TMBIM1: variants seen among roughly 807,000 people sequenced by gnomAD.
The protein encoded by TMBIM1 is protein lifeguard 3.
A neutral mutation model predicts 45.1 loss-of-function variants in TMBIM1; 34 were observed. The ratio of observed to expected loss-of-function variants is 0.75; its 90% confidence interval spans 0.57 to 1.00. The LOEUF (loss-of-function observed/expected upper bound fraction) is 1.00, where lower values mean the gene tolerates loss of function less well. TMBIM1 is among the 50% of genes least tolerant of loss of function. TMBIM1 has a pLI of 0.00. For missense variants in TMBIM1, 374 were observed against 402.4 expected (o/e 0.93, Z 0.60); for synonymous variants, 157 against 153.5 (o/e 1.02, Z -0.17).
At chr2:218,289,499 G>A (rs1006171082) in intron 1 of TMBIM1, among the ~76,000 whole-genome samples, 5 of 151,688 alleles carry the variant, frequency 3.3e-5, no homozygotes, top group South Asian at 2.1e-4. Context: ...AAAATTAGCC[G>A]GGCATGGTGG....
rs745434057 is a variant in TMBIM1 at position 218,282,077 on chromosome 2, G to A, written c.65C>T (p.Pro22Leu). Reference sequence around the variant, plus strand: ...AGATGGCTGCCCATAGCCCCCAGGGGGCGGAGGGCCTGGGTACAGGGGGTT... The same window carrying A: ...AGATGGCTGCCCATAGCCCCCAGGGAGCGGAGGGCCTGGGTACAGGGGGTT... ...DRNPLYPGPP[P>L]PGGYGQPSVL... Residue 22 changes from proline (P) to leucine (L), a missense_variant, in exon 2 of 12, where the codon CCC (proline) becomes CTC (leucine). By Grantham distance (98) the Pro-to-Leu change is moderately conservative (BLOSUM62 -3). Transcript: ENST00000258412. 23 of 1,595,566 alleles carry A rather than the reference G, an allele frequency of 1.4e-5. No individual in the cohort carries two copies. The East Asian group carries it at 4.7e-4, about 33-fold the overall frequency.
chr2:218,281,850 T>G (rs1692034390), intron 2 of TMBIM1, 90 bp downstream of exon 2: 1 of 1,011,684 alleles, frequency 9.9e-7, no homozygotes, highest in Admixed American at 2.3e-5. Context: ...TAAGGGAAAC[T>G]AGAAGAGAAA....
chr2:218,275,993 A>G (rs1691164877), intron 11 of TMBIM1, 33 bp downstream of exon 11: 1 of 1,601,084 alleles, frequency 6.2e-7, no homozygotes, highest in South Asian at 1.1e-5. Flanking sequence ...TCATCCCCTC[A>G]GCTCCCCTTC....
Position 218,274,500 on chromosome 2 carries a change from A to C in TMBIM1, c.*975T>G, listed in dbSNP as rs547044317. The C allele has an allele frequency of 6.5e-6, 1 of 154,274 alleles. No individual in the cohort carries two copies. The highest frequency in any genetic ancestry group is 6.5e-5 in the Admixed American group (1 of 15,302). The allele number at this position is 154,274 out of a possible 1,614,324, so 9.6% of individuals were successfully genotyped here. ...GACCCTCCCTGGGTTAGCAGAAGGAAAGAACCCAGAAGTCTTCAGTACCAC... is the reference window on the plus strand; with the variant it reads ...GACCCTCCCTGGGTTAGCAGAAGGACAGAACCCAGAAGTCTTCAGTACCAC... On this transcript the variant is annotated 3_prime_UTR_variant, in exon 12 of 12. Transcript: ENST00000258412.
At chr2:218,278,191 G>A in intron 6 of TMBIM1, 1 of 617,694 alleles carries the variant, frequency 1.6e-6, no homozygotes, top group South Asian at 2.0e-5. Flanking sequence ...AGAAACACCT[G>A]GATTGGTTTG....
chr2:218,275,967 C>T (rs1003172831), intron 11 of TMBIM1, 59 bp downstream of exon 11: 1 of 1,564,782 alleles, frequency 6.4e-7, no homozygotes, highest in Non-Finnish European at 8.7e-7. Flanking sequence ...ATGCCCCCTT[C>T]CCTAGATTCC....
intron 1 of TMBIM1, among the ~76,000 whole-genome samples, chr2:218,291,661 C>T (rs1176921215): frequency 2.0e-5 from 3 of 152,108 alleles, no homozygotes; most frequent in Non-Finnish European, 4.4e-5. Context: ...AGGGCCTGGC[C>T]TCCCAGCAGC....
intron 10 of TMBIM1, among the ~76,000 whole-genome samples, chr2:218,276,459 C>G (rs1427472624): frequency 1.3e-5 from 2 of 152,160 alleles, no homozygotes; most frequent in African/African-American, 2.4e-5. Flanking sequence ...CCCCCCAACC[C>G]CTCTGGTGAG....
intron 11 of TMBIM1, 124 bp downstream of exon 11, chr2:218,275,902 T>C: frequency 1.7e-6 from 2 of 1,184,868 alleles, no homozygotes; most frequent in Non-Finnish European, 2.4e-6. Context: ...TGGACAGTAG[T>C]GAGAGGAATG....
rs564765821 is a variant in TMBIM1, at chr2:218,280,344, C to T, written c.203-218G>A. ...TTAGGTGGGAAACGTTCCTCACGTG[C>T]ATCTGTGGAGGGCTCCTGTGTGCCC... On this transcript the variant is annotated intron_variant, in intron 2 of 11. Coordinates refer to ENST00000258412, the MANE Select transcript of TMBIM1 (RefSeq NM_022152.6). 1.8e-4 allele frequency: 90 copies of T among 502,344 alleles called. 1 individual carries two copies. The highest frequency in any genetic ancestry group is 1.6e-3 in the South Asian group (76 of 48,808). The allele number at this position is 502,344 out of a possible 1,614,324, so 31.1% of individuals were successfully genotyped here.
intron 1 of TMBIM1, among the ~76,000 whole-genome samples, chr2:218,282,979 C>T (rs771750790): frequency 1.3e-5 from 2 of 152,194 alleles, no homozygotes; most frequent in South Asian, 2.1e-4. Context: ...AGTGAGTGCA[C>T]GGCCCCTCGC....
intron 10 of TMBIM1, among the ~76,000 whole-genome samples, chr2:218,276,664 T>C (rs1005750022): frequency 3.9e-5 from 6 of 152,160 alleles, no homozygotes; most frequent in Non-Finnish European, 8.8e-5. Flanking sequence ...CCCTTCCACC[T>C]AGGCCCATCA....
chr2:218,279,422 C>T, intron 3 of TMBIM1, 69 bp from the exon 4 acceptor site: 3 of 1,426,304 alleles, frequency 2.1e-6, no homozygotes, highest in South Asian at 2.8e-5. Context: ...GCTGCCAGCC[C>T]CCAGTACTTT....
chr2:218,286,340 C>T (rs1209281496), intron 1 of TMBIM1: 1 of 151,976 alleles, frequency 6.6e-6, no homozygotes, highest in African/African-American at 2.4e-5. Context: ...TCTGGCCCAC[C>T]TTCTGCTTGA....
Position 218,277,823 on chromosome 2 carries a change from T to A in TMBIM1, c.513+112A>T, listed in dbSNP as rs185887706. 4.8e-5 allele frequency: 74 copies of A among 1,554,972 alleles called. No homozygotes were observed. In the African/African-American group the frequency reaches 7.5e-4, roughly 16 times the overall value. On this transcript the variant is annotated intron_variant, in intron 7 of 11. Transcript: ENST00000258412. ...AGGAGATCAGAACAGGCGGCCCAGA[T>A]AAGGTGGAGGAGACAGCCAGGACAT...
At chr2:218,279,134 T>C in intron 4 of TMBIM1, 43 bp from the exon 5 acceptor site, 2 of 1,612,638 alleles carry the variant, frequency 1.2e-6, no homozygotes, top group Non-Finnish European at 1.7e-6. Flanking sequence ...CTGAGGCTTG[T>C]CTGCCCCACC....
intron 6 of TMBIM1, 83 bp from the exon 7 acceptor site, chr2:218,278,057 C>T: frequency 6.7e-7 from 1 of 1,489,324 alleles, no homozygotes; most frequent in Non-Finnish European, 9.3e-7. Context: ...AAGCGCTTGG[C>T]TCCTGTGCCT....
chr2:218,289,638 A>AAAC (rs1168685599), intron 1 of TMBIM1, among the ~76,000 whole-genome samples: 1 of 151,012 alleles, frequency 6.6e-6, no homozygotes, highest in Non-Finnish European at 1.5e-5. Context: ...AAAAAAAAAA[A>AAAC]AAAAAAAACT....
intron 1 of TMBIM1, among the ~76,000 whole-genome samples, chr2:218,283,149 A>G (rs542148747): frequency 6.6e-6 from 1 of 152,246 alleles, no homozygotes; most frequent in East Asian, 1.9e-4. Context: ...CAGCAGGAAG[A>G]GCCCCATAGC....
Sources: gnomAD v4.1 joint callset for allele counts (sites outside exome capture counted in the v4.1 genomes callset) on GRCh38, gnomAD v4.1.1 for gene constraint, MANE v1.5 for transcripts, NCBI Gene and HGNC (gene_info 2026-07-23, HGNC 2026-07-21) for gene names.